Variants in GRID2 observed in about 807,000 individuals in gnomAD.
The protein encoded by GRID2 is glutamate ionotropic receptor delta type subunit 2.
A neutral mutation model predicts 114.8 loss-of-function variants in GRID2; 33 were observed. That is an observed-to-expected ratio of 0.29 (90% confidence interval 0.22 to 0.38). GRID2 has a LOEUF of 0.38. GRID2 is among the 10% of genes least tolerant of loss of function. GRID2 has a pLI of 1.00. For missense variants in GRID2, 1,184 were observed against 1,257.7 expected, an observed-to-expected ratio of 0.94 and a Z score of 0.89; for synonymous variants, 505 against 449.9, an observed-to-expected ratio of 1.12 and a Z score of -1.55.
chr4:92,544,131 A>G (rs1393026348), intron 1 of GRID2, among the ~76,000 whole-genome samples: 3 of 152,144 alleles, frequency 2.0e-5, no homozygotes, highest in Non-Finnish European at 4.4e-5. Context: ...AATATCTGCA[A>G]TTCTTGGAGG....
At chr4:93,728,724 C>T (rs1459598054) in intron 14 of GRID2, among the ~76,000 whole-genome samples, 1 of 152,010 alleles carries the variant, frequency 6.6e-6, no homozygotes, top group African/African-American at 2.4e-5. Context: ...TGAATTGATC[C>T]CTTTACCATT....
At chr4:92,350,067 T>C (rs570963273) in intron 1 of GRID2, among the ~76,000 whole-genome samples, 2 of 152,098 alleles carry the variant, frequency 1.3e-5, no homozygotes, top group South Asian at 4.2e-4. Flanking sequence ...TTTAGTTCTA[T>C]AAGTGACCGT....
At chr4:92,406,958 TA>T (rs1731058467) in intron 1 of GRID2, among the ~76,000 whole-genome samples, 1 of 151,934 alleles carries the variant, frequency 6.6e-6, no homozygotes, top group African/African-American at 2.4e-5. Context: ...CTGGGTAATT[TA>T]TATATAAAAA....
chr4:93,492,612 T>G (rs1157267777), intron 12 of GRID2, among the ~76,000 whole-genome samples: 2 of 151,826 alleles, frequency 1.3e-5, no homozygotes, highest in Non-Finnish European at 2.9e-5. Context: ...GACTTTTGTG[T>G]TATAGGCATG....
At chr4:92,450,592 A>G (rs1324738893) in intron 1 of GRID2, among the ~76,000 whole-genome samples, 1 of 151,666 alleles carries the variant, frequency 6.6e-6, no homozygotes, top group Non-Finnish European at 1.5e-5. Context: ...TTTAAATTGT[A>G]TTTGTTATGA....
At chr4:93,226,690 G>A (rs565500607) in intron 7 of GRID2, among the ~76,000 whole-genome samples, 86 of 152,096 alleles carry the variant, frequency 5.7e-4, no homozygotes, top group African/African-American at 2.0e-3. Context: ...TTGCCCTAGT[G>A]GAAACTCTTT....
chr4:93,665,218 T>A (rs1405648677), intron 14 of GRID2, among the ~76,000 whole-genome samples: 1 of 152,192 alleles, frequency 6.6e-6, no homozygotes, highest in East Asian at 1.9e-4. Flanking sequence ...AAATCTTCAG[T>A]CAGTTTGGTA....
intron 2 of GRID2, among the ~76,000 whole-genome samples, chr4:92,620,995 C>CA (rs67388525): frequency 0.059 from 6,617 of 112,138 alleles, 193 homozygotes; most frequent in African/African-American, 0.082. Flanking sequence ...TAAAGAATGC[C>CA]AAAAAAAAAA....
At chr4:92,549,102 A>T (rs889014058) in intron 1 of GRID2, among the ~76,000 whole-genome samples, 11 of 147,842 alleles carry the variant, frequency 7.4e-5, no homozygotes, top group Non-Finnish European at 1.6e-4. Flanking sequence ...GATAGGAGCT[A>T]AAGATTTTTA....
At chr4:92,627,303 C>G (rs1020114624) in intron 2 of GRID2, among the ~76,000 whole-genome samples, 10 of 152,022 alleles carry the variant, frequency 6.6e-5, no homozygotes, top group African/African-American at 2.4e-4. Flanking sequence ...AGCTTACATT[C>G]TCTATTTTTA....
chr4:93,498,198 T>G (rs1727731570), intron 12 of GRID2, among the ~76,000 whole-genome samples: 1 of 151,824 alleles, frequency 6.6e-6, no homozygotes, highest in South Asian at 2.1e-4. Flanking sequence ...AAGTCCAATA[T>G]CAAGGTGCCA....
intron 8 of GRID2, among the ~76,000 whole-genome samples, chr4:93,284,322 A>G (rs1249246357): frequency 1.3e-5 from 2 of 152,052 alleles, no homozygotes; most frequent in African/African-American, 2.4e-5. Context: ...ATGGACACAT[A>G]GAGGGGATCA....
In GRID2 at chr4:93,455,808, A is replaced by G. The variant is rs756337117; in HGVS notation, c.1692A>G (p.Pro564=). ...TGGATATGTTTGCCTGTCTTGCACC[A>G]TTTGATCTCTCTCTATGGGCTTGCA... is the stretch of plus-strand genomic sequence containing the variant. ...KTVDMFACLA[P]FDLSLWACIA... Residue 564 remains proline, a synonymous_variant, in exon 11 of 16, where the codon CCA becomes CCG. Coordinates refer to ENST00000282020, the MANE Select transcript of GRID2 (RefSeq NM_001510.4). The G allele has an allele frequency of 1.2e-6, 2 of 1,613,674 alleles. No homozygotes were observed. The highest frequency in any genetic ancestry group is 1.3e-5 in the African/African-American group (1 of 74,882).
At chr4:92,684,638 G>C (rs1352046013) in intron 2 of GRID2, among the ~76,000 whole-genome samples, 1 of 151,968 alleles carries the variant, frequency 6.6e-6, no homozygotes, top group South Asian at 2.1e-4. Flanking sequence ...CATGAACAGA[G>C]TTAAAATTAT....
At chr4:93,034,125 G>A (rs1171822711) in intron 2 of GRID2, among the ~76,000 whole-genome samples, 2 of 152,174 alleles carry the variant, frequency 1.3e-5, no homozygotes, top group Admixed American at 1.3e-4. Context: ...AGTCTGCCGG[G>A]CTACCCAGGC....
chr4:93,349,157 T>C (rs775711344), intron 8 of GRID2, among the ~76,000 whole-genome samples: 2 of 152,154 alleles, frequency 1.3e-5, no homozygotes, highest in African/African-American at 2.4e-5. Context: ...GTGAATATTG[T>C]ATGAAGATGT....
In GRID2 at chr4:92,724,115, A is replaced by T. The variant is rs561262842; in HGVS notation, c.244+133829A>T. On this transcript the variant is annotated intron_variant, in intron 2 of 15. Coordinates refer to ENST00000282020, the MANE Select transcript of GRID2 (RefSeq NM_001510.4). ...CCCTAATGGTACATGGTACTATAAG[A>T]CATTCTTTTTAAAGTAGTCTTACAA... is the stretch of plus-strand genomic sequence containing the variant. Among the ~76,000 whole-genome samples, 3 of 152,250 alleles carry T rather than the reference A, an allele frequency of 2.0e-5. No individual in the cohort carries two copies. The East Asian group carries it at 5.8e-4, about 29-fold the overall frequency.
chr4:93,082,751 G>A (rs1471642820), intron 2 of GRID2, among the ~76,000 whole-genome samples: 3 of 152,126 alleles, frequency 2.0e-5, no homozygotes, highest in South Asian at 2.1e-4. Flanking sequence ...TGAATAGCAC[G>A]ATAGGCAATA....
chr4:93,181,983 G>GA (rs1279213938), intron 4 of GRID2, among the ~76,000 whole-genome samples: 2 of 151,860 alleles, frequency 1.3e-5, no homozygotes, highest in Non-Finnish European at 2.9e-5. Context: ...AGTAGGCTTA[G>GA]AAAAAAAGGA....
Sources: gnomAD v4.1 joint callset for allele counts (sites outside exome capture counted in the v4.1 genomes callset) on GRCh38, gnomAD v4.1.1 for gene constraint, MANE v1.5 for transcripts, NCBI Gene and HGNC (gene_info 2026-07-23, HGNC 2026-07-21) for gene names.